Variants in WDR20 observed in about 807,000 individuals in gnomAD.
The protein encoded by WDR20 is WD repeat-containing protein 20.
Under a neutral mutation model 38.7 loss-of-function variants are expected in WDR20, and 3 were observed. The observed-to-expected ratio is 0.08, with a 90% confidence interval of 0.04 to 0.20. The LOEUF (loss-of-function observed/expected upper bound fraction) is 0.20, where lower values mean the gene tolerates loss of function less well. Ranked by LOEUF, WDR20 falls within the 10% of genes least tolerant of loss-of-function variation. The pLI is 1.00. For synonymous variants in WDR20, 298 were observed against 285.6 expected (o/e 1.04, Z -0.44); for missense variants, 559 against 727.7 (o/e 0.77, Z 2.67).
chr14:102,190,394 T>C (rs987685402), intron 1 of WDR20, among the ~76,000 whole-genome samples: 3 of 151,642 alleles, frequency 2.0e-5, no homozygotes, highest in Admixed American at 6.6e-5. Flanking sequence ...ACCCTGTCTC[T>C]ACTAAAAATA....
At chr14:102,144,824 C>T (rs1206446962) in intron 1 of WDR20, among the ~76,000 whole-genome samples, 2 of 152,052 alleles carry the variant, frequency 1.3e-5, no homozygotes, top group African/African-American at 2.4e-5. Flanking sequence ...GGGCTACTCC[C>T]GAGTAGCTGG....
intron 1 of WDR20, among the ~76,000 whole-genome samples, chr14:102,179,665 A>G: frequency 6.6e-6 from 1 of 152,076 alleles, no homozygotes; most frequent in East Asian, 1.9e-4. Context: ...TACTGGTTTA[A>G]CTTTGCCCTT....
chr14:102,176,134 C>T (rs1207067232), intron 1 of WDR20, among the ~76,000 whole-genome samples: 5 of 152,206 alleles, frequency 3.3e-5, no homozygotes, highest in African/African-American at 1.2e-4. Context: ...GTGGCTCACG[C>T]CTGTAATCTC....
downstream of WDR20, among the ~76,000 whole-genome samples, chr14:102,216,732 C>A (rs112011478): frequency 1.3e-5 from 2 of 152,272 alleles, no homozygotes; most frequent in African/African-American, 4.8e-5. Flanking sequence ...GAGTTTGAGA[C>A]CAGCCCAGCC....
chr14:102,197,490 A>C (rs1297257519), intron 2 of WDR20, among the ~76,000 whole-genome samples: 1 of 152,238 alleles, frequency 6.6e-6, no homozygotes, highest in African/African-American at 2.4e-5. Context: ...TAAAGGGTAC[A>C]TAGTCATTAG....
intron 1 of WDR20, among the ~76,000 whole-genome samples, chr14:102,158,592 AG>A (rs749111779): frequency 1.1e-4 from 16 of 152,258 alleles, no homozygotes; most frequent in Middle Eastern, 3.4e-3. Flanking sequence ...CACTGTGCCC[AG>A]CCTAGATGAC....
intron 1 of WDR20, among the ~76,000 whole-genome samples, chr14:102,169,138 C>T (rs1021146061): frequency 4.6e-5 from 7 of 152,142 alleles, no homozygotes; most frequent in African/African-American, 7.2e-5. Flanking sequence ...CACCCCTCCC[C>T]GTCCCACCCG....
At chr14:102,175,243 G>T (rs1192740519) in intron 1 of WDR20, among the ~76,000 whole-genome samples, 2 of 152,272 alleles carry the variant, frequency 1.3e-5, no homozygotes, top group East Asian at 3.9e-4. Context: ...GAGAGATGAG[G>T]ATCCAATTTT....
In WDR20 at chr14:102,221,756, C is replaced by T. The variant is rs1209485634; in HGVS notation, c.1693-1074C>T. 6.6e-6 allele frequency among the ~76,000 whole-genome samples: 1 copy of T among 152,204 alleles called. No homozygotes were observed. Among genetic ancestry groups the T allele is most frequent in the Non-Finnish European group, 1.5e-5 (1 of 68,048 alleles). ...GCTGAAGGGCAGTTTCCGATTGTCA[C>T]CTTCATTTGTGTCCACACAAGTCCA... On this transcript the variant is annotated intron_variant, in intron 3 of 3. Transcript: ENST00000335263. The surrounding 1 kb of genome is among the most constrained non-coding windows in gnomAD (Gnocchi z 4.8).
chr14:102,215,342 G>A (rs929956232), downstream of WDR20, among the ~76,000 whole-genome samples: 24 of 152,292 alleles, frequency 1.6e-4, no homozygotes, highest in African/African-American at 5.8e-4. Flanking sequence ...CCTGGGCCAC[G>A]AGCTGGCTTT....
At chr14:102,156,465 G>C (rs1374931651) in intron 1 of WDR20, among the ~76,000 whole-genome samples, 1 of 152,024 alleles carries the variant, frequency 6.6e-6, no homozygotes, top group Non-Finnish European at 1.5e-5. Flanking sequence ...ACTGCGCCTG[G>C]CCCCATTAGA....
At chr14:102,141,336 A>G (rs542982315) in intron 1 of WDR20, among the ~76,000 whole-genome samples, 1 of 152,208 alleles carries the variant, frequency 6.6e-6, no homozygotes, top group East Asian at 1.9e-4. Flanking sequence ...TTCGCTTGTT[A>G]CAAGAGCTAG....
rs193166622 is a variant in WDR20 at position 102,145,076 on chromosome 14, C to T, written c.249+4904C>T. On this transcript the variant is annotated intron_variant, in intron 1 of 2. Coordinates refer to ENST00000342702, the MANE Select transcript of WDR20 (RefSeq NM_144574.4). ...CAACTGTGCCTTCTATAAAACAAAG[C>T]TCCCTTAGAATAGGGACATTATCTT... is the stretch of plus-strand genomic sequence containing the variant. 7.2e-5 allele frequency among the ~76,000 whole-genome samples: 11 copies of T among 152,312 alleles called. No homozygotes were observed. In the East Asian group the frequency reaches 2.1e-3, roughly 29 times the overall value.
At chr14:102,213,311 A>G, downstream of WDR20, 2 of 985,468 alleles carry the variant, frequency 2.0e-6, no homozygotes. Flanking sequence ...AAGCAAATGC[A>G]TGTGCAGGAG....
intron 2 of WDR20, among the ~76,000 whole-genome samples, chr14:102,202,666 C>T (rs932458637): frequency 6.6e-6 from 1 of 152,074 alleles, no homozygotes; most frequent in East Asian, 1.9e-4. Context: ...AGGTGTGAGC[C>T]ACTGCGCCGG....
In WDR20 at chr14:102,208,767, T is replaced by G; in HGVS notation, c.597T>G (p.Phe199Leu). 6.2e-7 allele frequency: 1 copy of G among 1,614,248 alleles called. No homozygotes were observed. The highest frequency in any genetic ancestry group is 8.5e-7 in the Non-Finnish European group (1 of 1,180,042). Reference sequence around the variant, plus strand: ...AGCTTCTGAAGCAGGGAGAGAGCTTTGCCGTGCACACTTGCAAGAGCAAAT... The same window carrying G: ...AGCTTCTGAAGCAGGGAGAGAGCTTGGCCGTGCACACTTGCAAGAGCAAAT... ...HYQLLKQGES[F>L]AVHTCKSKST... is the part of the protein sequence containing the mutation. Residue 199 changes from phenylalanine (F) to leucine (L), a missense_variant, in exon 3 of 3, where the codon TTT (phenylalanine) becomes TTG (leucine). Phe to Leu is a conservative substitution (Grantham distance 22). Coordinates refer to ENST00000342702, the MANE Select transcript of WDR20 (RefSeq NM_144574.4). This position sits in a 1 kb window ranked among gnomAD's most constrained non-coding sequence, Gnocchi z 5.6.
chr14:102,145,770 CA>C (rs1164397949), intron 1 of WDR20, among the ~76,000 whole-genome samples: 3 of 141,496 alleles, frequency 2.1e-5, no homozygotes, highest in African/African-American at 7.3e-5. Flanking sequence ...GAGCCTGTTT[CA>C]AAAAAACAAA....
Position 102,194,950 on chromosome 14 carries a change from A to C in WDR20, c.262A>C (p.Ser88Arg). The change falls in exon 2 of 3, where the codon AGT becomes CGT. Residue 88 changes from serine to arginine, a missense_variant. Coordinates refer to ENST00000342702, the MANE Select transcript of WDR20 (RefSeq NM_144574.4). ...YKGVRKAADL[S>R]KPIDKRIYKG... is the part of the protein sequence containing the mutation. ...CTTTCTCCTCCAGGCTGCTGACTTG[A>C]GTAAACCAATAGATAAAAGGATATA... The C allele has an allele frequency of 6.2e-7, 1 of 1,614,184 alleles. No homozygotes were observed. The highest frequency in any genetic ancestry group is 8.5e-7 in the Non-Finnish European group (1 of 1,180,018).
intron 1 of WDR20, among the ~76,000 whole-genome samples, chr14:102,156,142 C>G (rs1463234611): frequency 6.6e-6 from 1 of 151,438 alleles, no homozygotes; most frequent in Non-Finnish European, 1.5e-5. Context: ...TCATTTACAT[C>G]CATCACTACT....
Sources: allele counts gnomAD v4.1 joint callset (sites outside exome capture counted in the v4.1 genomes callset), GRCh38; gene constraint gnomAD v4.1.1; non-coding constraint Gnocchi (gnomAD v3.1); transcripts MANE v1.5; gene names NCBI Gene and HGNC (gene_info 2026-07-23, HGNC 2026-07-21).